FHIP2B: variants seen among roughly 807,000 people sequenced by gnomAD.
FHIP2B encodes FHF complex subunit HOOK interacting protein 2B.
FHIP2B carries 72 observed loss-of-function variants against 84.0 expected under a neutral mutation model. The ratio of observed to expected loss-of-function variants is 0.86; its 90% CI spans 0.71 to 1.04. The LOEUF is 1.04. Ranked by LOEUF, FHIP2B falls within the 50% of genes least tolerant of loss-of-function variation. FHIP2B has a pLI of 0.00. For synonymous variants in FHIP2B, 497 were observed against 418.7 expected (o/e 1.19, Z -2.28); for missense variants, 972 against 968.9 (o/e 1.00, Z -0.04).
chr8:22,101,177 C>A, intron 12 of FHIP2B: 1 of 676,944 alleles, frequency 1.5e-6, no homozygotes, highest in Non-Finnish European at 2.4e-6. Flanking sequence ...CATGCACCAC[C>A]ACACCCAGCT....
intron 1 of FHIP2B, among the ~76,000 whole-genome samples, chr8:22,091,671 G>C (rs1223847961): frequency 6.6e-6 from 1 of 152,180 alleles, no homozygotes; most frequent in African/African-American, 2.4e-5. Context: ...GGCCTGTGCT[G>C]GTTAACCTGC....
chr8:22,097,953 A>C, intron 5 of FHIP2B, 114 bp downstream of exon 5: 1 of 1,544,282 alleles, frequency 6.5e-7, no homozygotes, highest in Non-Finnish European at 8.7e-7. Flanking sequence ...GCACGCAGGC[A>C]GCTTCCCCTC....
Position 22,096,512 on chromosome 8 carries a change from G to A in FHIP2B, c.297+3G>A, listed in dbSNP as rs368161682. On this transcript the variant is annotated splice_donor_region_variant and intron_variant, in intron 3 of 16. Transcript: ENST00000289921. ...TCTGCACGCTGGGCAAGGCCGAGGT[G>A]GGAGGCCCTCTGCGCGCTGGGCCAG... The A allele has an allele frequency of 1.2e-4, 187 of 1,526,634 alleles. 1 individual carries two copies. The highest frequency in any genetic ancestry group is 1.6e-4 in the Non-Finnish European group (180 of 1,131,444). 94.6% of individuals were successfully genotyped at this position (1,526,634 alleles called of 1,614,324 possible).
At position 22,102,872 on chromosome 8, in the gene FHIP2B, A is replaced by C; in HGVS notation, c.2173A>C (p.Lys725Gln). 2 of 1,613,606 alleles carry C rather than the reference A, an allele frequency of 1.2e-6. No homozygotes were observed. Among genetic ancestry groups the C allele is most frequent in the Non-Finnish European group, 1.7e-6 (2 of 1,179,798 alleles). Residue 725 changes from lysine (K) to glutamine (Q), a missense_variant, in exon 17 of 17, where the codon AAG becomes CAG. By Grantham distance (53) the Lys-to-Gln change is moderately conservative. Coordinates refer to ENST00000289921, the MANE Select transcript of FHIP2B (RefSeq NM_022749.7). Reference sequence around the variant, plus strand: ...GGAGCTGGCTGCCATTGCCTTCGTCAAGTTTCCCCCACATGATCCTCGCCA... The same window carrying C: ...GGAGCTGGCTGCCATTGCCTTCGTCCAGTTTCCCCCACATGATCCTCGCCA... ...CKELAAIAFV[K>Q]FPPHDPRQNV... is the part of the protein sequence containing the mutation.
intron 10 of FHIP2B, 158 bp downstream of exon 10, chr8:22,100,051 C>A: frequency 9.3e-5 from 61 of 654,520 alleles, no homozygotes; most frequent in Middle Eastern, 3.6e-4. Context: ...CACTAATTTT[C>A]TATGATCATA....
At chr8:22,089,760 G>C in intron 1 of FHIP2B, 1 of 1,272,940 alleles carries the variant, frequency 7.9e-7, no homozygotes, top group Non-Finnish European at 1.0e-6. Context: ...TGATCTCCCA[G>C]ACAACTCCAG....
chr8:22,096,555 C>G, intron 3 of FHIP2B, 46 bp downstream of exon 3: 1 of 1,457,358 alleles, frequency 6.9e-7, no homozygotes, highest in Non-Finnish European at 9.1e-7. Flanking sequence ...TGGGAGGCCT[C>G]TGCGCGCTTG....
At chr8:22,101,265 C>G (rs572284722) in intron 12 of FHIP2B, 175 bp from the exon 13 acceptor site, 2 of 644,740 alleles carry the variant, frequency 3.1e-6, no homozygotes, top group South Asian at 3.9e-5. Flanking sequence ...TCAGGTGATC[C>G]GCCCACCTCA....
At chr8:22,100,432 G>T in intron 10 of FHIP2B, 162 bp from the exon 11 acceptor site, 1 of 658,680 alleles carries the variant, frequency 1.5e-6, no homozygotes, top group Non-Finnish European at 2.3e-6. Flanking sequence ...GGATTCCTAG[G>T]CCCACACCCC....
rs760995584 is a variant in FHIP2B at position 22,101,452 on chromosome 8, G to T, written c.1629G>T (p.Leu543=). Residue 543 remains leucine, a synonymous_variant, in exon 13 of 17, where the codon CTG becomes CTT. Transcript: ENST00000289921. ...TTCTATCTCTCAGTTTCCTGTGCCT[G>T]GTCCCCGAGGAAGCCAAGACCTCTG... ...VTEIVNSFLC[L]VPEEAKTSAF... is the part of the protein sequence containing the mutation. The T allele has an allele frequency of 1.2e-6, 2 of 1,610,146 alleles. No individual in the cohort carries two copies. The highest frequency in any genetic ancestry group is 1.7e-6 in the Non-Finnish European group (2 of 1,177,922).
chr8:22,099,396 T>C, intron 9 of FHIP2B, 36 bp downstream of exon 9: 3 of 1,603,436 alleles, frequency 1.9e-6, no homozygotes, highest in African/African-American at 1.3e-5. Context: ...GACTGTGGTC[T>C]ACAGTAAACC....
chr8:22,098,168 C>T lies in FHIP2B; in HGVS notation c.626C>T (p.Ala209Val). 1.3e-6 allele frequency: 2 copies of T among 1,575,326 alleles called. No individual in the cohort carries two copies. Among genetic ancestry groups the T allele is most frequent in the Non-Finnish European group, 1.7e-6 (2 of 1,160,952 alleles). ...GACAAGGACTGCTCCCACGATGGTG[C>T]TCCTGCCAGGCCCCAGCTGGACGGG... ...HGDKDCSHDG[A>V]PARPQLDGES... Residue 209 changes from alanine to valine, a missense_variant, in exon 6 of 17, where the codon GCT becomes GTT. Transcript: ENST00000289921.
Position 22,096,605 on chromosome 8 carries a change from C to T in FHIP2B, c.297+96C>T, listed in dbSNP as rs1012938301. Reference sequence around the variant, plus strand: ...GGAGGCCTCTGTGCGCTGGGCCAGGCCGAGGTGGGAGACCCTCTGAGTGCT... The same window carrying T: ...GGAGGCCTCTGTGCGCTGGGCCAGGTCGAGGTGGGAGACCCTCTGAGTGCT... On this transcript the variant is annotated intron_variant, in intron 3 of 16. Transcript: ENST00000289921. 6 of 1,396,968 alleles carry T rather than the reference C, an allele frequency of 4.3e-6. No homozygotes were observed. The East Asian group carries it at 1.6e-4, about 38-fold the overall frequency. 86.5% of individuals were successfully genotyped at this position (1,396,968 alleles called of 1,614,324 possible).
chr8:22,103,755 T>C lies in FHIP2B; in HGVS notation c.*824T>C, dbSNP rs1826253585. On this transcript the variant is annotated 3_prime_UTR_variant, in exon 17 of 17. Transcript: ENST00000289921. Reference sequence around the variant, plus strand: ...TCTGCCCAGGGCCCAGTGTTCTTGATAGAAGACCCTTCTGGGGAGCCAGGG... The same window carrying C: ...TCTGCCCAGGGCCCAGTGTTCTTGACAGAAGACCCTTCTGGGGAGCCAGGG... The C allele has an allele frequency of 6.6e-6, 1 of 152,358 alleles. No individual in the cohort carries two copies. Among genetic ancestry groups the C allele is most frequent in the South Asian group, 2.1e-4 (1 of 4,830 alleles). The allele number at this position is 152,358 out of a possible 1,614,324, so 9.4% of individuals were successfully genotyped here.
rs1348783033 is a variant in FHIP2B at position 22,099,778 on chromosome 8, T to G, written c.1226T>G (p.Leu409Arg). 1 of 1,612,256 alleles carries G rather than the reference T, an allele frequency of 6.2e-7. No individual in the cohort carries two copies. Among genetic ancestry groups the G allele is most frequent in the African/African-American group, 1.3e-5 (1 of 74,892 alleles). The change falls in exon 10 of 17, where the codon CTG becomes CGG. Residue 409 changes from leucine (L) to arginine (R), a missense_variant. Leu to Arg is a moderately radical substitution (Grantham distance 102). Coordinates refer to ENST00000289921, the MANE Select transcript of FHIP2B (RefSeq NM_022749.7). The part of the protein sequence containing the change: ...MLRQLRSPAL[L>R]REAVAFLLGT... The stretch of plus-strand genomic sequence containing the variant: ...CGCCAGCTTCGCTCCCCTGCGCTGC[T>G]GCGGGAGGCCGTGGCTTTCCTCCTG...
intron 10 of FHIP2B, 171 bp downstream of exon 10, chr8:22,100,064 CTT>C (rs33935872): frequency 0.37 from 177,408 of 480,276 alleles, 9,496 homozygotes; most frequent in East Asian, 0.48. Flanking sequence ...TGATCATATA[CTT>C]TTTTTTTTTT....
chr8:22,091,211 C>G (rs959533928), intron 1 of FHIP2B, among the ~76,000 whole-genome samples: 4 of 144,174 alleles, frequency 2.8e-5, no homozygotes, highest in African/African-American at 1.0e-4. Flanking sequence ...CCGCCCTCTT[C>G]TGATCTAACA....
intron 3 of FHIP2B, chr8:22,096,724 A>C: frequency 1.6e-6 from 1 of 610,240 alleles, no homozygotes; most frequent in African/African-American, 1.9e-5. Flanking sequence ...CCTGACACTG[A>C]AAGTGGCAGT....
chr8:22,097,646 G>T, intron 4 of FHIP2B, 26 bp downstream of exon 4: 7 of 1,603,748 alleles, frequency 4.4e-6, no homozygotes, highest in Non-Finnish European at 6.0e-6. Context: ...GCCAAGGGGT[G>T]TCTGGGTGTG....
Sources: gnomAD v4.1 joint callset for allele counts (sites outside exome capture counted in the v4.1 genomes callset) on GRCh38, gnomAD v4.1.1 for gene constraint, MANE v1.5 for transcripts, NCBI Gene and HGNC (gene_info 2026-07-23, HGNC 2026-07-21) for gene names.